The following WWOX variants were observed in gnomAD, a reference collection of about 807,000 sequenced individuals.
The protein encoded by WWOX is WW domain containing oxidoreductase.
WWOX carries 69 observed loss-of-function variants against 46.2 expected under a neutral mutation model. The observed-to-expected ratio is 1.49, with a 90% CI of 1.23 to 1.82. The LOEUF is 1.82. WWOX is among the 40% of genes most tolerant of loss of function. WWOX has a pLI of 0.00. For missense variants in WWOX, 919 were observed against 542.6 expected, an observed-to-expected ratio of 1.69 and a Z score of -6.89; for synonymous variants, 359 against 202.6, an observed-to-expected ratio of 1.77 and a Z score of -6.56.
At chr16:78,874,684 CTTT>C (rs552696627) in intron 8 of WWOX, among the ~76,000 whole-genome samples, 3 of 83,504 alleles carry the variant, frequency 3.6e-5, no homozygotes, top group Non-Finnish European at 4.4e-5. Flanking sequence ...AGATTTTTTT[CTTT>C]TTTTTTTTTT....
intron 8 of WWOX, among the ~76,000 whole-genome samples, chr16:78,690,377 C>A (rs2047957746): frequency 6.6e-6 from 1 of 151,972 alleles, no homozygotes; most frequent in South Asian, 2.1e-4. Context: ...ACAGTGAGAC[C>A]CCGTATCTAC....
At chr16:79,003,053 C>T (rs573548793) in intron 8 of WWOX, among the ~76,000 whole-genome samples, 22 of 152,286 alleles carry the variant, frequency 1.4e-4, no homozygotes, top group African/African-American at 5.1e-4. Flanking sequence ...CAGCACATTT[C>T]AGGAGCAAGA....
intron 8 of WWOX, among the ~76,000 whole-genome samples, chr16:79,022,274 C>T (rs527616452): frequency 2.9e-5 from 4 of 139,810 alleles, no homozygotes; most frequent in East Asian, 4.3e-4. Flanking sequence ...TTGGCAGCTG[C>T]GAAAAGCTCG....
At chr16:78,528,774 A>G (rs772268199) in intron 8 of WWOX, among the ~76,000 whole-genome samples, 2 of 152,086 alleles carry the variant, frequency 1.3e-5, no homozygotes, top group African/African-American at 2.4e-5. Context: ...GAAAAGGCCT[A>G]TTTGTTTTTC....
At chr16:79,066,863 C>T (rs903602839) in intron 8 of WWOX, among the ~76,000 whole-genome samples, 3 of 152,158 alleles carry the variant, frequency 2.0e-5, no homozygotes, top group Admixed American at 6.5e-5. Flanking sequence ...TTGGCTGCCT[C>T]GATTTCATTC....
At chr16:78,473,009 T>C (rs913240774) in intron 8 of WWOX, among the ~76,000 whole-genome samples, 31 of 152,174 alleles carry the variant, frequency 2.0e-4, no homozygotes, top group African/African-American at 7.0e-4. Flanking sequence ...GAGAACATTT[T>C]TAAATTGCTG....
At chr16:79,005,992 C>A (rs1019349771) in intron 8 of WWOX, among the ~76,000 whole-genome samples, 1 of 152,166 alleles carries the variant, frequency 6.6e-6, no homozygotes, top group Admixed American at 6.5e-5. Context: ...GGTGTTTAGT[C>A]CCCTCTCTGC....
chr16:78,319,902 T>C (rs2080431471), intron 5 of WWOX, among the ~76,000 whole-genome samples: 1 of 152,186 alleles, frequency 6.6e-6, no homozygotes. Context: ...TTTCCAGTTT[T>C]CCTGGCGAAA....
intron 8 of WWOX, among the ~76,000 whole-genome samples, chr16:79,052,827 G>A (rs1241008730): frequency 6.6e-6 from 1 of 152,164 alleles, no homozygotes. Context: ...TGGCACTGAG[G>A]AGCAAGCATT....
chr16:78,725,036 A>G (rs1304499968), intron 8 of WWOX, among the ~76,000 whole-genome samples: 1 of 152,108 alleles, frequency 6.6e-6, no homozygotes, highest in Non-Finnish European at 1.5e-5. Flanking sequence ...TAGCTCCCAT[A>G]ATTCCCATAT....
chr16:78,952,791 GC>G (rs1243555935), intron 8 of WWOX, among the ~76,000 whole-genome samples: 4 of 152,170 alleles, frequency 2.6e-5, no homozygotes, highest in Admixed American at 2.6e-4. Context: ...CCAGCAGAAG[GC>G]TTAGCTGTTA....
At chr16:78,933,098 C>T (rs566960288) in intron 8 of WWOX, among the ~76,000 whole-genome samples, 1 of 152,244 alleles carries the variant, frequency 6.6e-6, no homozygotes, top group Admixed American at 6.5e-5. Flanking sequence ...CAGTTGCTAC[C>T]CCTGAGCACC....
intron 8 of WWOX, among the ~76,000 whole-genome samples, chr16:78,603,111 C>T (rs1567428827): frequency 6.6e-6 from 1 of 152,176 alleles, no homozygotes; most frequent in African/African-American, 2.4e-5. Context: ...TTCCTTCTTG[C>T]GTTGCTCTTA....
chr16:78,657,287 C>G (rs1013699232), intron 8 of WWOX, among the ~76,000 whole-genome samples: 2 of 152,126 alleles, frequency 1.3e-5, no homozygotes, highest in African/African-American at 2.4e-5. Flanking sequence ...CTGGCTTCCA[C>G]CCTTCCAAAT....
chr16:78,705,321 C>G (rs1034539256), intron 8 of WWOX, among the ~76,000 whole-genome samples: 9 of 152,152 alleles, frequency 5.9e-5, no homozygotes, highest in African/African-American at 2.2e-4. Context: ...CCGGACCTAG[C>G]TGACAACATG....
chr16:78,768,171 A>AT (rs971408259), intron 8 of WWOX, among the ~76,000 whole-genome samples: 1 of 150,044 alleles, frequency 6.7e-6, no homozygotes. Flanking sequence ...GGGGTCGGTT[A>AT]TTTTATAAGC....
intron 8 of WWOX, among the ~76,000 whole-genome samples, chr16:79,198,252 C>T (rs2051279276): frequency 1.3e-5 from 2 of 152,014 alleles, no homozygotes; most frequent in Non-Finnish European, 2.9e-5. Context: ...GCAGGAGAAT[C>T]GCTTGAACCT....
intron 5 of WWOX, among the ~76,000 whole-genome samples, chr16:78,356,091 A>G (rs866579251): frequency 3.5e-4 from 27 of 76,734 alleles, no homozygotes; most frequent in Non-Finnish European, 6.3e-4. Context: ...AAAAAAAAAA[A>G]AAGAAGAATC....
chr16:78,267,655 C>T (rs1392284237), intron 5 of WWOX, among the ~76,000 whole-genome samples: 1 of 152,138 alleles, frequency 6.6e-6, no homozygotes, highest in African/African-American at 2.4e-5. Context: ...GGACATCTGA[C>T]ACTGTCTTTT....
Sources: allele counts gnomAD v4.1 joint callset (sites outside exome capture counted in the v4.1 genomes callset), GRCh38; gene constraint gnomAD v4.1.1; transcripts MANE v1.5; gene names NCBI Gene and HGNC (gene_info 2026-07-23, HGNC 2026-07-21).